The following LRP1B variants were observed in gnomAD, a reference collection of about 807,000 sequenced individuals.
The protein encoded by LRP1B is low-density lipoprotein receptor-related protein 1B.
Under a neutral mutation model 556.6 loss-of-function variants are expected in LRP1B, and 217 were observed. That is an observed-to-expected ratio of 0.39 (90% confidence interval 0.35 to 0.44). The LOEUF is 0.44. LRP1B is among the 20% of genes least tolerant of loss of function. The probability of loss-of-function intolerance (pLI) is 1.00; values close to 1 mark genes in which losing one functional copy is unlikely to be tolerated. For synonymous variants in LRP1B, 2,047 were observed against 1,865.8 expected (o/e 1.10, Z -2.50); for missense variants, 5,053 against 5,620.8 (o/e 0.90, Z 3.23).
At chr2:141,062,911 T>C (rs970938832) in intron 7 of LRP1B, among the ~76,000 whole-genome samples, 8 of 151,862 alleles carry the variant, frequency 5.3e-5, no homozygotes, top group Non-Finnish European at 1.0e-4. Context: ...TTGTTTTTTC[T>C]TAATATTTAT....
intron 4 of LRP1B, among the ~76,000 whole-genome samples, chr2:141,247,619 A>C (rs1035411935): frequency 2.6e-5 from 4 of 152,208 alleles, no homozygotes; most frequent in Non-Finnish European, 5.9e-5. Flanking sequence ...AAGTCTTTGG[A>C]TATTTTTGCA....
At chr2:140,248,451 C>T (rs1009695929) in intron 86 of LRP1B, among the ~76,000 whole-genome samples, 2 of 151,534 alleles carry the variant, frequency 1.3e-5, no homozygotes, top group Non-Finnish European at 3.0e-5. Flanking sequence ...ATCACTCATA[C>T]ATTAGCTCAA....
At position 142,054,051 on chromosome 2, in the gene LRP1B, A is replaced by T. The variant is rs143050330; in HGVS notation, c.82+76597T>A. On this transcript the variant is annotated intron_variant, in intron 1 of 90. Coordinates refer to ENST00000389484, the MANE Select transcript of LRP1B (RefSeq NM_018557.3). The stretch of plus-strand genomic sequence containing the variant: ...CACACTTTAAGCTAATCGTTGGAGC[A>T]CTAGGTACTCTCAATTCTATTCCAT... Among the ~76,000 whole-genome samples the T allele has an allele frequency of 5.1e-4, 78 of 152,274 alleles. 1 individual carries two copies. The highest frequency in any genetic ancestry group is 1.8e-3 in the African/African-American group (74 of 41,576).
chr2:141,672,738 A>C (rs16846817), intron 2 of LRP1B, among the ~76,000 whole-genome samples: 19,610 of 152,150 alleles, frequency 0.13, 1,972 homozygotes, highest in African/African-American at 0.27. Context: ...ATTAAATCGC[A>C]ACTTTCTTTT....
chr2:141,726,246 A>G (rs916895454), intron 2 of LRP1B, among the ~76,000 whole-genome samples: 3 of 151,168 alleles, frequency 2.0e-5, no homozygotes, highest in African/African-American at 7.3e-5. Flanking sequence ...AAATTTATAA[A>G]CATATACATA....
intron 83 of LRP1B, among the ~76,000 whole-genome samples, chr2:140,313,513 C>G (rs1031968104): frequency 2.6e-5 from 4 of 151,636 alleles, no homozygotes; most frequent in Admixed American, 2.0e-4. Context: ...GTTTGGAATT[C>G]CAAATTGTTT....
chr2:141,851,014 C>T lies in LRP1B; in HGVS notation c.83-40613G>A, dbSNP rs1053894280. Reference sequence around the variant, plus strand: ...AATATTAACCGCTCACAATAAAATCCCTTCACAAGGAGTGAGAGGTTAGTA... The same window carrying T: ...AATATTAACCGCTCACAATAAAATCTCTTCACAAGGAGTGAGAGGTTAGTA... On this transcript the variant is annotated intron_variant, in intron 1 of 90. Coordinates refer to ENST00000389484, the MANE Select transcript of LRP1B (RefSeq NM_018557.3). 2.0e-5 allele frequency among the ~76,000 whole-genome samples: 3 copies of T among 151,588 alleles called. No homozygotes were observed. The Admixed American group carries it at 2.0e-4, about 10-fold the overall frequency.
chr2:141,091,421 A>G lies in LRP1B; in HGVS notation c.1014-29148T>C, dbSNP rs192867402. 2.0e-3 allele frequency among the ~76,000 whole-genome samples: 305 copies of G among 152,324 alleles called. 5 individuals are homozygous for G. The highest frequency in any genetic ancestry group is 6.9e-3 in the African/African-American group (288 of 41,564). ...GATAAAAAACAAAAACAACAACAACAACAAAAAACATTGCTTCCCGGCTGG... is the reference window on the plus strand; with the variant it reads ...GATAAAAAACAAAAACAACAACAACGACAAAAAACATTGCTTCCCGGCTGG... On this transcript the variant is annotated intron_variant, in intron 7 of 90. Coordinates refer to ENST00000389484, the MANE Select transcript of LRP1B (RefSeq NM_018557.3).
intron 41 of LRP1B, among the ~76,000 whole-genome samples, chr2:140,655,249 A>T (rs888243721): frequency 6.6e-6 from 1 of 152,170 alleles, no homozygotes; most frequent in African/African-American, 2.4e-5. Flanking sequence ...TCATTCTTAT[A>T]AAGTACAGTG....
At chr2:141,076,834 G>C (rs1256528210) in intron 7 of LRP1B, among the ~76,000 whole-genome samples, 1 of 152,194 alleles carries the variant, frequency 6.6e-6, no homozygotes, top group Non-Finnish European at 1.5e-5. Flanking sequence ...AGATGCTTTT[G>C]AATTTATGAA....
intron 2 of LRP1B, among the ~76,000 whole-genome samples, chr2:141,613,074 C>T (rs1286596372): frequency 3.3e-5 from 5 of 152,054 alleles, no homozygotes; most frequent in South Asian, 2.1e-4. Context: ...TCCCAAAGTG[C>T]TGGGATTATA....
intron 63 of LRP1B, 87 bp from the exon 64 acceptor site, chr2:140,444,766 C>A: frequency 1.3e-6 from 1 of 779,198 alleles, no homozygotes; most frequent in Non-Finnish European, 2.2e-6. Flanking sequence ...AAGATATTTA[C>A]TATAATAAAT....
At chr2:141,009,783 A>G (rs569551129) in intron 14 of LRP1B, among the ~76,000 whole-genome samples, 1 of 152,146 alleles carries the variant, frequency 6.6e-6, no homozygotes, top group East Asian at 1.9e-4. Flanking sequence ...CAGTGATAAA[A>G]TTACAATGAC....
intron 5 of LRP1B, among the ~76,000 whole-genome samples, chr2:141,240,507 A>G (rs1214912901): frequency 6.6e-6 from 1 of 152,028 alleles, no homozygotes; most frequent in Non-Finnish European, 1.5e-5. Context: ...TGCCTCATCT[A>G]TTTAACCATT....
intron 66 of LRP1B, among the ~76,000 whole-genome samples, chr2:140,426,896 C>T (rs1454225197): frequency 1.3e-5 from 2 of 152,140 alleles, no homozygotes; most frequent in Non-Finnish European, 2.9e-5. Flanking sequence ...CCACCTACCA[C>T]CTCAGGTCCT....
At chr2:140,906,228 T>G (rs1194606346) in intron 22 of LRP1B, among the ~76,000 whole-genome samples, 2 of 152,172 alleles carry the variant, frequency 1.3e-5, no homozygotes, top group African/African-American at 4.8e-5. Context: ...TCAGTCTCTA[T>G]AATTTTTTGA....
In LRP1B at chr2:141,020,090, A is replaced by G. The variant is rs1328666992; in HGVS notation, c.1802T>C (p.Val601Ala). 3.2e-6 allele frequency: 5 copies of G among 1,577,718 alleles called. No homozygotes were observed. Among genetic ancestry groups the G allele is most frequent in the East Asian group, 2.3e-5 (1 of 44,012 alleles). The change falls in exon 12 of 91, where the codon GTA becomes GCA. Residue 601 changes from valine (V) to alanine (A), a missense_variant. Around this residue, in one of 5 missense-constraint regions of LRP1B, gnomAD observed 3,619 missense variants for 3,931.9 expected, o/e 0.92. Coordinates refer to ENST00000389484, the MANE Select transcript of LRP1B (RefSeq NM_018557.3). ...ETILKDDLDN[V>A]EGIAVDWIGN... ...AATCCAGTCCACAGCAATGCCCTCT[A>G]CATTATCCAGATCTATAAAAAAAGC...
At chr2:141,927,976 G>A (rs888407832) in intron 1 of LRP1B, among the ~76,000 whole-genome samples, 1 of 148,130 alleles carries the variant, frequency 6.8e-6, no homozygotes. Context: ...AGCTGTTGAT[G>A]TTCTACCATC....
intron 2 of LRP1B, among the ~76,000 whole-genome samples, chr2:141,712,789 C>T (rs1692411672): frequency 6.6e-6 from 1 of 151,150 alleles, no homozygotes; most frequent in Non-Finnish European, 1.5e-5. Flanking sequence ...CCTGCCTCAG[C>T]CTCCCTAGTA....
Sources: gnomAD v4.1 joint callset for allele counts (sites outside exome capture counted in the v4.1 genomes callset) on GRCh38, gnomAD v4.1.1 for gene constraint, gnomAD v4.1.1 regional missense constraint, MANE v1.5 for transcripts, NCBI Gene and HGNC (gene_info 2026-07-23, HGNC 2026-07-21) for gene names.